The following GLRX3 variants were observed in gnomAD, a reference collection of about 807,000 sequenced individuals.
GLRX3 encodes glutaredoxin-3.
A neutral mutation model predicts 49.5 loss-of-function variants in GLRX3; 22 were observed. The observed-to-expected ratio is 0.44, with a 90% CI of 0.32 to 0.63. The LOEUF is 0.63. GLRX3 is among the 30% of genes least tolerant of loss of function. The pLI is 0.05. For missense variants in GLRX3, 385 were observed against 396.3 expected, an observed-to-expected ratio of 0.97 and a Z score of 0.24; for synonymous variants, 133 against 140.0, an observed-to-expected ratio of 0.95 and a Z score of 0.35.
chr10:130,158,175 T>C (rs1862512800), intron 2 of GLRX3, among the ~76,000 whole-genome samples: 1 of 152,084 alleles, frequency 6.6e-6, no homozygotes, highest in Admixed American at 6.6e-5. Flanking sequence ...GTTACTCCAC[T>C]GGAAATCAGC....
In GLRX3 at chr10:130,172,084, G is replaced by A. The variant is rs182493248; in HGVS notation, c.824+448G>A. Among the ~76,000 whole-genome samples the A allele has an allele frequency of 8.5e-5, 13 of 152,236 alleles. No individual in the cohort carries two copies. In the East Asian group the frequency reaches 2.5e-3, roughly 29 times the overall value. On this transcript the variant is annotated intron_variant, in intron 8 of 10. Transcript: ENST00000331244. Reference sequence around the variant, plus strand: ...TTTTTTGCTGTATTGTTTTGTGAATGCCTTAACTTAGATCAAAATAGTATT... The same window carrying A: ...TTTTTTGCTGTATTGTTTTGTGAATACCTTAACTTAGATCAAAATAGTATT...
chr10:130,164,754 A>G (rs191621667), intron 4 of GLRX3, among the ~76,000 whole-genome samples: 3 of 152,376 alleles, frequency 2.0e-5, no homozygotes, highest in African/African-American at 4.8e-5. Flanking sequence ...AACACTACCA[A>G]TCAATCTTTC....
intron 1 of GLRX3, among the ~76,000 whole-genome samples, chr10:130,137,212 C>G (rs905141860): frequency 6.6e-6 from 1 of 152,126 alleles, no homozygotes; most frequent in Non-Finnish European, 1.5e-5. Context: ...AGATTTGGCG[C>G]CGGTGTCCAG....
Position 130,169,501 on chromosome 10 carries a change from C to A in GLRX3, c.771+11C>A, listed in dbSNP as rs777576211. 1.3e-5 allele frequency: 21 copies of A among 1,563,224 alleles called. No individual in the cohort carries two copies. The highest frequency in any genetic ancestry group is 2.2e-5 in the South Asian group (2 of 89,850). ...AAAGGAAACAAACAGGTAAAGAACT[C>A]AAAAATGGTTTTATTTGTAATTTCT... On this transcript the variant is annotated intron_variant, in intron 7 of 10. Coordinates refer to ENST00000331244, the MANE Select transcript of GLRX3 (RefSeq NM_006541.5).
intron 2 of GLRX3, among the ~76,000 whole-genome samples, chr10:130,151,119 G>T (rs1227102204): frequency 1.3e-5 from 2 of 151,982 alleles, no homozygotes; most frequent in Non-Finnish European, 2.9e-5. Context: ...GTAGAGACGG[G>T]GTTTCACCGT....
chr10:130,169,356 A>G (rs1590071636), intron 6 of GLRX3, 77 bp from the exon 7 acceptor site: 5 of 851,342 alleles, frequency 5.9e-6, no homozygotes, highest in East Asian at 4.9e-5. Flanking sequence ...TCAAATATGC[A>G]TGTTACTCAC....
Position 130,169,391 on chromosome 10 carries a change from A to G in GLRX3, c.714-42A>G, listed in dbSNP as rs148078787. On this transcript the variant is annotated intron_variant, in intron 6 of 10. Coordinates refer to ENST00000331244, the MANE Select transcript of GLRX3 (RefSeq NM_006541.5). Reference sequence around the variant, plus strand: ...CGAAGCGGAGGAAAAGTGGTGTTGCATAATTGAGCTGAGCCGTTTTATATC... The same window carrying G: ...CGAAGCGGAGGAAAAGTGGTGTTGCGTAATTGAGCTGAGCCGTTTTATATC... The G allele has an allele frequency of 1.9e-5, 25 of 1,282,202 alleles. 1 individual carries two copies. The highest frequency in any genetic ancestry group is 2.3e-5 in the East Asian group (1 of 43,540). 79.4% of individuals were successfully genotyped at this position (1,282,202 alleles called of 1,614,324 possible). A position where few individuals can be genotyped will look rare whatever the true frequency, so the allele number is the denominator to read the frequency against.
intron 4 of GLRX3, among the ~76,000 whole-genome samples, chr10:130,161,766 AGTATTT>A (rs1862581228): frequency 6.6e-6 from 1 of 152,166 alleles, no homozygotes; most frequent in African/African-American, 2.4e-5. Context: ...AGACTCTAAG[AGTATTT>A]GTATCAACTA....
In GLRX3 at chr10:130,179,218, G is replaced by A. The variant is rs527417195; in HGVS notation, c.958-124G>A. 3 of 578,594 alleles carry A rather than the reference G, an allele frequency of 5.2e-6. No homozygotes were observed. In the African/African-American group the frequency reaches 5.9e-5, roughly 11 times the overall value. 35.8% of individuals were successfully genotyped at this position (578,594 alleles called of 1,614,324 possible). A position where few individuals can be genotyped will look rare whatever the true frequency, so the allele number is the denominator to read the frequency against. On this transcript the variant is annotated intron_variant, in intron 10 of 10. Transcript: ENST00000331244. ...TTTAGTTTGAGAGTGTTAAGAGACT[G>A]GAGTTTTAATCCAATAGGTGTTTCT...
chr10:130,154,011 A>G (rs1862429234), intron 2 of GLRX3, among the ~76,000 whole-genome samples: 1 of 152,194 alleles, frequency 6.6e-6, no homozygotes, highest in Non-Finnish European at 1.5e-5. Context: ...CTCAAGCCTC[A>G]GCAATGGCCT....
At position 130,171,568 on chromosome 10, in the gene GLRX3, A is replaced by T. The variant is rs1199047512; in HGVS notation, c.772-16A>T. 11 of 1,445,298 alleles carry T rather than the reference A, an allele frequency of 7.6e-6. No homozygotes were observed. The highest frequency in any genetic ancestry group is 4.2e-5 in the African/African-American group (3 of 71,564). The allele number at this position is 1,445,298 out of a possible 1,614,324, so 89.5% of individuals were successfully genotyped here. A position where few individuals can be genotyped will look rare whatever the true frequency, so the allele number is the denominator to read the frequency against. ...CATACAAAAATTGTAATCTTTGCAA[A>T]TTTTTTTTCATTTAGGAAGCAAAAT... On this transcript the variant is annotated splice_polypyrimidine_tract_variant and intron_variant, in intron 7 of 10. Coordinates refer to ENST00000331244, the MANE Select transcript of GLRX3 (RefSeq NM_006541.5).
At chr10:130,163,809 G>A (rs1382006108) in intron 4 of GLRX3, among the ~76,000 whole-genome samples, 2 of 152,156 alleles carry the variant, frequency 1.3e-5, no homozygotes, top group Non-Finnish European at 2.9e-5. Context: ...TTTAGAGAAG[G>A]GCGTAGGCAA....
chr10:130,174,754 T>A, intron 8 of GLRX3, 113 bp from the exon 9 acceptor site: 6 of 725,722 alleles, frequency 8.3e-6, no homozygotes, highest in Non-Finnish European at 1.5e-5. Context: ...CTGTAGTACA[T>A]TTTGTTAGCA....
intron 10 of GLRX3, among the ~76,000 whole-genome samples, chr10:130,177,094 G>A (rs1475381757): frequency 3.3e-5 from 5 of 152,140 alleles, no homozygotes; most frequent in Non-Finnish European, 5.9e-5. Context: ...TAGATCTTAC[G>A]ATCCCATTTT....
At chr10:130,142,112 G>A (rs542788963) in intron 1 of GLRX3, among the ~76,000 whole-genome samples, 86 of 152,256 alleles carry the variant, frequency 5.6e-4, no homozygotes, top group African/African-American at 2.0e-3. Flanking sequence ...AACATCCGGT[G>A]ACTAGGGGCT....
At position 130,140,894 on chromosome 10, in the gene GLRX3, T is replaced by C. The variant is rs375052072; in HGVS notation, c.93-4317T>C. ...ACGTAAAGTAGTGGGAAAATATCCA[T>C]GTACAGAAAATCTTTGTCTCTTAAT... On this transcript the variant is annotated intron_variant, in intron 1 of 10. Transcript: ENST00000331244. 1.4e-4 allele frequency among the ~76,000 whole-genome samples: 21 copies of C among 152,346 alleles called. No homozygotes were observed. In the East Asian group the frequency reaches 2.5e-3, roughly 18 times the overall value.
intron 2 of GLRX3, among the ~76,000 whole-genome samples, chr10:130,147,691 C>T (rs543593363): frequency 2.5e-4 from 38 of 152,272 alleles, no homozygotes; most frequent in African/African-American, 8.9e-4. Context: ...AGGCACTTGC[C>T]GGACAATAGT....
intron 1 of GLRX3, among the ~76,000 whole-genome samples, chr10:130,143,387 A>G (rs1475528093): frequency 1.3e-5 from 2 of 152,142 alleles, no homozygotes; most frequent in Non-Finnish European, 2.9e-5. Context: ...AGGTGGTATT[A>G]TATTTGAACA....
chr10:130,171,544 AT>A, intron 7 of GLRX3, 39 bp from the exon 8 acceptor site: 1 of 1,087,398 alleles, frequency 9.2e-7, no homozygotes, highest in Non-Finnish European at 1.4e-6. Flanking sequence ...TGCTTGGGTC[AT>A]ACAAAAATTG....
Sources: gnomAD v4.1 joint callset for allele counts (sites outside exome capture counted in the v4.1 genomes callset) on GRCh38, gnomAD v4.1.1 for gene constraint, MANE v1.5 for transcripts, NCBI Gene and HGNC (gene_info 2026-07-23, HGNC 2026-07-21) for gene names.